NOC4L: variants seen among roughly 807,000 people sequenced by gnomAD.
NOC4L encodes nucleolar complex associated 4 homolog.
In NOC4L, 40 loss-of-function variants were observed where a neutral mutation model predicts 62.8. That is an observed-to-expected ratio of 0.64 (90% CI 0.49 to 0.83). The LOEUF (loss-of-function observed/expected upper bound fraction) is 0.83, where lower values mean the gene tolerates loss of function less well. NOC4L is among the 40% of genes least tolerant of loss of function. The pLI, the probability that NOC4L is intolerant of heterozygous loss-of-function variation, is 0.00. For synonymous variants in NOC4L, 433 were observed against 299.8 expected (o/e 1.44, Z -4.59); for missense variants, 927 against 701.9 (o/e 1.32, Z -3.62).
At chr12:132,150,882 G>A (rs1026725767) in intron 9 of NOC4L, 99 bp from the exon 10 acceptor site, 9 of 852,690 alleles carry the variant, frequency 1.1e-5, no homozygotes, top group Middle Eastern at 2.7e-4. Context: ...GGGACAGCAG[G>A]GGCAGAGGCC....
At chr12:132,151,690 G>C (rs1435896379) in intron 12 of NOC4L, 46 bp downstream of exon 12, 1 of 1,611,698 alleles carries the variant, frequency 6.2e-7, no homozygotes, top group African/African-American at 1.3e-5. Flanking sequence ...TGGGGCGGGG[G>C]TGCCTGGTGC....
intron 13 of NOC4L, 116 bp downstream of exon 13, chr12:132,151,936 C>T (rs553307161): frequency 1.3e-5 from 16 of 1,279,808 alleles, no homozygotes; most frequent in Non-Finnish European, 1.7e-5. Context: ...CAGCTGGCCA[C>T]CTGGGTTTGT....
At chr12:132,148,478 G>A in intron 7 of NOC4L, 131 bp from the exon 8 acceptor site, 4 of 991,274 alleles carry the variant, frequency 4.0e-6, no homozygotes, top group Non-Finnish European at 6.1e-6. Context: ...ACAGGAAGAA[G>A]GAAGGCAGGG....
At chr12:132,152,257 A>G (rs369179420) in intron 14 of NOC4L, 25 bp from the exon 15 acceptor site, 12 of 1,587,818 alleles carry the variant, frequency 7.6e-6, no homozygotes, top group Non-Finnish European at 1.0e-5. Flanking sequence ...CAAGCCTGAG[A>G]GCCGCCGTGC....
rs747888129 is a variant in NOC4L, at chr12:132,145,763, G to A, written c.345+98G>A. On this transcript the variant is annotated intron_variant, in intron 3 of 14. Coordinates refer to ENST00000330579, the MANE Select transcript of NOC4L (RefSeq NM_024078.3). The stretch of plus-strand genomic sequence containing the variant: ...GTCTGGGGCTCCCACAATTGTCCAG[G>A]CAAAGCTGCTTCCTTCATGGGAGCA... 4.3e-4 allele frequency: 343 copies of A among 790,802 alleles called. 1 individual carries two copies. Among genetic ancestry groups the A allele is most frequent in the Non-Finnish European group, 7.0e-5 (34 of 485,930 alleles). 49.0% of individuals were successfully genotyped at this position (790,802 alleles called of 1,614,324 possible).
intron 9 of NOC4L, 62 bp from the exon 10 acceptor site, chr12:132,150,919 G>A (rs1220940715): frequency 4.1e-6 from 5 of 1,233,128 alleles, no homozygotes; most frequent in Admixed American, 3.7e-5. Flanking sequence ...CACTCAGTGT[G>A]GGCAGGGGGT....
At chr12:132,148,154 G>C in intron 7 of NOC4L, 48 bp downstream of exon 7, 1 of 1,601,660 alleles carries the variant, frequency 6.2e-7, no homozygotes, top group South Asian at 1.1e-5. Flanking sequence ...TTGGGGGTGT[G>C]TGTGGGGTGC....
At chr12:132,145,732 G>A (rs2136685746) in intron 3 of NOC4L, 67 bp downstream of exon 3, 3 of 1,149,962 alleles carry the variant, frequency 2.6e-6, no homozygotes, top group Non-Finnish European at 2.6e-6. Context: ...TATCCACAAA[G>A]CAGAGGTCTG....
chr12:132,151,985 C>T (rs1442605522), intron 13 of NOC4L, 99 bp from the exon 14 acceptor site: 16 of 1,320,526 alleles, frequency 1.2e-5, no homozygotes, highest in Middle Eastern at 2.6e-4. Flanking sequence ...GGCTCCGTCC[C>T]GACCCCGCCC....
chr12:132,147,453 T>C (rs1231559370), intron 4 of NOC4L, 65 bp downstream of exon 4: 1 of 1,474,778 alleles, frequency 6.8e-7, no homozygotes, highest in East Asian at 2.4e-5. Flanking sequence ...GATGGCCCCG[T>C]AGTGGGGGCG....
chr12:132,148,870 C>T lies in NOC4L; in HGVS notation c.876C>T (p.Asp292=). 1 of 1,599,122 alleles carries T rather than the reference C, an allele frequency of 6.3e-7. No individual in the cohort carries two copies. The highest frequency in any genetic ancestry group is 8.5e-7 in the Non-Finnish European group (1 of 1,178,260). Residue 292 remains aspartate (D), a synonymous_variant, in exon 9 of 15, where the codon GAC becomes GAT. Coordinates refer to ENST00000330579, the MANE Select transcript of NOC4L (RefSeq NM_024078.3). ...PQLAQPTLMI[D]FLTRACDLGG... ...TGGCGCAGCCCACGCTCATGATCGA[C>T]TTCCTCACCCGCGCCTGCGACCTCG...
At chr12:132,148,463 TG>T (rs1897809998) in intron 7 of NOC4L, 145 bp from the exon 8 acceptor site, 2 of 883,076 alleles carry the variant, frequency 2.3e-6, no homozygotes, top group East Asian at 2.7e-5. Flanking sequence ...CTGACTTGAA[TG>T]GGGACAGGAA....
At position 132,152,364 on chromosome 12, in the gene NOC4L, C is replaced by T. The variant is rs144615315; in HGVS notation, c.1514C>T (p.Pro505Leu). The change falls in exon 15 of 15, where the codon CCG (proline) becomes CTG (leucine). Residue 505 changes from proline to leucine, a missense_variant. Pro to Leu is a moderately conservative substitution (Grantham distance 98). Transcript: ENST00000330579. ...FIPAQGLLGR[P>L]GELCAQHFTL... ...CCAGCCCAGGGCCTGCTGGGACGGC[C>T]GGGTGAACTCTGTGCCCAGCACTTC... The T allele has an allele frequency of 8.9e-6, 14 of 1,575,888 alleles. No individual in the cohort carries two copies. The highest frequency in any genetic ancestry group is 4.7e-5 in the East Asian group (2 of 42,676).
chr12:132,148,443 C>T (rs1355581237), intron 7 of NOC4L, among the ~76,000 whole-genome samples, 166 bp from the exon 8 acceptor site: 1 of 152,170 alleles, frequency 6.6e-6, no homozygotes, highest in African/African-American at 2.4e-5. Context: ...GCCTCGAGGG[C>T]AAGGCGTACC....
chr12:132,148,768 G>T lies in NOC4L; in HGVS notation c.790-16G>T, dbSNP rs750121699. The T allele has an allele frequency of 6.2e-6, 3 of 486,274 alleles. No homozygotes were observed. Among genetic ancestry groups the T allele is most frequent in the East Asian group, 4.1e-4 (2 of 4,832 alleles). The allele number at this position is 486,274 out of a possible 1,614,324, so 30.1% of individuals were successfully genotyped here. On this transcript the variant is annotated splice_polypyrimidine_tract_variant and intron_variant, in intron 8 of 14. Transcript: ENST00000330579. ...GCCCACCCGCCCCTCACCCCCACCT[G>T]CCGGCCCCCGCCCAGCTGCCCCTCA...
At chr12:132,150,940 C>G (rs778432194) in intron 9 of NOC4L, 41 bp from the exon 10 acceptor site, 5 of 1,484,992 alleles carry the variant, frequency 3.4e-6, no homozygotes, top group Non-Finnish European at 4.6e-6. Flanking sequence ...AGGGTGGGAG[C>G]GAGGTCACTG....
chr12:132,151,100 C>T (rs573331348), intron 10 of NOC4L, 59 bp downstream of exon 10: 18 of 1,504,308 alleles, frequency 1.2e-5, no homozygotes, highest in Non-Finnish European at 1.5e-5. Flanking sequence ...GCTCCTCTGT[C>T]CCCTTCCCAC....
At chr12:132,146,732 G>A (rs1018863171) in intron 3 of NOC4L, among the ~76,000 whole-genome samples, 1 of 152,168 alleles carries the variant, frequency 6.6e-6, no homozygotes, top group Non-Finnish European at 1.5e-5. Context: ...TCAACACGGG[G>A]TCTAAGTTTG....
intron 9 of NOC4L, 25 bp from the exon 10 acceptor site, chr12:132,150,956 C>T: frequency 6.3e-7 from 1 of 1,586,108 alleles, no homozygotes; most frequent in South Asian, 1.1e-5. Context: ...CACTGCAGCT[C>T]CAGCCTGTGT....
Sources: allele counts gnomAD v4.1 joint callset (sites outside exome capture counted in the v4.1 genomes callset), GRCh38; gene constraint gnomAD v4.1.1; transcripts MANE v1.5; gene names NCBI Gene and HGNC (gene_info 2026-07-23, HGNC 2026-07-21).